The following GRIP1 variants were observed in gnomAD, a reference collection of about 807,000 sequenced individuals.
GRIP1 encodes the protein glutamate receptor-interacting protein 1.
GRIP1 carries 45 observed loss-of-function variants against 129.9 expected under a neutral mutation model. That is an observed-to-expected ratio of 0.35 (90% CI 0.27 to 0.44). GRIP1 has a LOEUF of 0.44. GRIP1 is among the 20% of genes least tolerant of loss of function. GRIP1 has a pLI of 1.00. For missense variants in GRIP1, 1,196 were observed against 1,396.8 expected (o/e 0.86, Z 2.29); for synonymous variants, 530 against 520.8 (o/e 1.02, Z -0.24).
intron 13 of GRIP1, among the ~76,000 whole-genome samples, chr12:66,433,622 A>G (rs1361369471): frequency 6.6e-6 from 1 of 152,184 alleles, no homozygotes; most frequent in African/African-American, 2.4e-5. Context: ...TCTTAAATAT[A>G]CTCTTCTTAA....
chr12:66,799,831 A>G (rs2038807434), intron 1 of GRIP1, among the ~76,000 whole-genome samples: 1 of 152,170 alleles, frequency 6.6e-6, no homozygotes, highest in Non-Finnish European at 1.5e-5. Context: ...AGAATAAATT[A>G]CTTATCTAAT....
upstream of GRIP1, among the ~76,000 whole-genome samples, chr12:66,804,411 A>T (rs1459821905): frequency 6.6e-6 from 1 of 152,186 alleles, no homozygotes; most frequent in African/African-American, 2.4e-5. Context: ...ATTTAGATCA[A>T]TAAACTGTCA....
chr12:66,668,193 C>T (rs1233775211), intron 1 of GRIP1, among the ~76,000 whole-genome samples: 2 of 152,272 alleles, frequency 1.3e-5, no homozygotes, highest in African/African-American at 2.4e-5. Context: ...AGCATCTATA[C>T]AAAATATCAC....
At chr12:66,796,777 A>G (rs1038219181) in intron 1 of GRIP1, among the ~76,000 whole-genome samples, 9 of 152,146 alleles carry the variant, frequency 5.9e-5, no homozygotes, top group African/African-American at 2.2e-4. Flanking sequence ...CAATCTTCCT[A>G]TTCTTGAAAG....
At position 66,734,107 on chromosome 12, in the gene GRIP1, G is replaced by A. The variant is rs544317505; in HGVS notation, c.-420+69946C>T. ...GTAAATCCTGAGATCGGAATGCTAC[G>A]TATGTTAGGCTCTCAGAGGTCTAGT... On this transcript the variant is annotated intron_variant, in intron 1 of 4. Transcript: ENST00000538373. 2.6e-4 allele frequency among the ~76,000 whole-genome samples: 40 copies of A among 152,282 alleles called. No homozygotes were observed. The South Asian group carries it at 7.3e-3, about 28-fold the overall frequency.
intron 1 of GRIP1, among the ~76,000 whole-genome samples, chr12:66,945,452 G>C (rs938854402): frequency 6.6e-6 from 1 of 152,202 alleles, no homozygotes; most frequent in Admixed American, 6.5e-5. Flanking sequence ...AGGCTGTGCA[G>C]GAAGCATGGT....
intron 1 of GRIP1, among the ~76,000 whole-genome samples, chr12:66,722,760 T>A (rs1333081109): frequency 2.6e-5 from 4 of 152,172 alleles, no homozygotes; most frequent in African/African-American, 4.8e-5. Context: ...TTAATTAATC[T>A]TTTTAGCTTT....
intron 1 of GRIP1, among the ~76,000 whole-genome samples, chr12:66,684,419 C>T (rs2034702503): frequency 6.6e-6 from 1 of 152,196 alleles, no homozygotes; most frequent in Non-Finnish European, 1.5e-5. Context: ...TGTCGGAATT[C>T]CCCCAAGCTC....
chr12:66,391,830 G>GAC (rs1231943477), intron 19 of GRIP1, among the ~76,000 whole-genome samples: 1 of 152,048 alleles, frequency 6.6e-6, no homozygotes. Context: ...TAGCTGGGGT[G>GAC]ACAGAGTGAG....
intron 1 of GRIP1, among the ~76,000 whole-genome samples, chr12:67,060,650 A>T (rs919151588): frequency 2.6e-5 from 4 of 151,980 alleles, no homozygotes; most frequent in Non-Finnish European, 5.9e-5. Context: ...GTGAAACCCC[A>T]TCTGTATTAA....
chr12:66,549,376 T>C (rs181762299), intron 2 of GRIP1, among the ~76,000 whole-genome samples: 36 of 152,260 alleles, frequency 2.4e-4, no homozygotes, highest in African/African-American at 8.7e-4. Flanking sequence ...ATTGTACCAA[T>C]GCCTTAGTAA....
At chr12:66,821,910 G>A (rs887819026) in intron 1 of GRIP1, among the ~76,000 whole-genome samples, 5 of 152,052 alleles carry the variant, frequency 3.3e-5, no homozygotes, top group African/African-American at 1.2e-4. Flanking sequence ...ATCCTTGGCC[G>A]ACTACATTAT....
chr12:66,814,475 C>T (rs2039166175), intron 1 of GRIP1, among the ~76,000 whole-genome samples: 1 of 151,486 alleles, frequency 6.6e-6, no homozygotes, highest in Non-Finnish European at 1.5e-5. Flanking sequence ...TAGAACTGTC[C>T]TTTTTATTGT....
chr12:66,414,298 C>T (rs1204552117), intron 15 of GRIP1, among the ~76,000 whole-genome samples: 2 of 152,016 alleles, frequency 1.3e-5, no homozygotes, highest in African/African-American at 2.4e-5. Context: ...TATACACCAA[C>T]AATAGGCAAG....
chr12:66,535,645 T>C (rs1168493509), intron 4 of GRIP1, among the ~76,000 whole-genome samples: 2 of 152,212 alleles, frequency 1.3e-5, no homozygotes, highest in African/African-American at 2.4e-5. Context: ...TTTTATTGCC[T>C]AGTCTTGCTG....
intron 1 of GRIP1, among the ~76,000 whole-genome samples, chr12:67,001,170 C>T (rs12307123): frequency 0.15 from 23,329 of 152,104 alleles, 1,892 homozygotes; most frequent in Admixed American, 0.18. Context: ...AGCTCTGGTC[C>T]TACCAGATAT....
At chr12:66,588,841 C>T (rs1225405546) in intron 2 of GRIP1, among the ~76,000 whole-genome samples, 2 of 146,476 alleles carry the variant, frequency 1.4e-5, no homozygotes, top group Non-Finnish European at 3.0e-5. Context: ...TGGTGGTGTA[C>T]GTCTGTAATC....
chr12:66,448,859 G>A (rs1489053770), intron 11 of GRIP1, among the ~76,000 whole-genome samples: 1 of 152,138 alleles, frequency 6.6e-6, no homozygotes, highest in Non-Finnish European at 1.5e-5. Context: ...GCCCTGTTTT[G>A]AATTTTCAAT....
chr12:66,827,269 C>G (rs1266465708), intron 1 of GRIP1, among the ~76,000 whole-genome samples: 1 of 151,818 alleles, frequency 6.6e-6, no homozygotes, highest in Non-Finnish European at 1.5e-5. Context: ...TACCTCTAAG[C>G]ATACTCAGAA....
Sources: gnomAD v4.1 joint callset for allele counts (sites outside exome capture counted in the v4.1 genomes callset) on GRCh38, gnomAD v4.1.1 for gene constraint, MANE v1.5 for transcripts, NCBI Gene and HGNC (gene_info 2026-07-23, HGNC 2026-07-21) for gene names.